NHS: variants seen among roughly 807,000 people sequenced by gnomAD.
The protein encoded by NHS is NHS actin remodeling regulator.
In NHS, 5 loss-of-function variants were observed where a neutral mutation model predicts 72.5. The ratio of observed to expected loss-of-function variants is 0.07; its 90% CI spans 0.04 to 0.14. NHS has a LOEUF of 0.14. Among genes scored for constraint, NHS ranks in the 10% least tolerant of loss-of-function variants. The pLI, the probability that NHS is intolerant of heterozygous loss-of-function variation, is 1.00. For missense variants in NHS, 1,072 were observed against 1,355.7 expected (o/e 0.79, Z 3.29); for synonymous variants, 464 against 547.7 (o/e 0.85, Z 2.13).
intron 1 of NHS, among the ~76,000 whole-genome samples, chrX:17,460,084 G>A (rs2031137526): frequency 9.0e-6 from 1 of 111,282 alleles, no homozygotes; most frequent in Admixed American, 9.6e-5. Context: ...CAAGAGGTTA[G>A]AAAGATGAAG....
chrX:17,456,631 G>A (rs1054059391), intron 1 of NHS, among the ~76,000 whole-genome samples: 3 of 112,146 alleles, frequency 2.7e-5, no homozygotes, highest in Non-Finnish European at 5.6e-5. Context: ...GCCCTGGGTC[G>A]CTGGGAGAGA....
chrX:17,664,489 C>G (rs1445585359), intron 1 of NHS, among the ~76,000 whole-genome samples: 1 of 112,043 alleles, frequency 8.9e-6, no homozygotes, highest in African/African-American at 3.2e-5. Context: ...GACTTAACGC[C>G]TTTTTCAAAC....
intron 1 of NHS, among the ~76,000 whole-genome samples, chrX:17,395,580 G>C (rs1437267676): frequency 8.9e-6 from 1 of 112,099 alleles, no homozygotes; most frequent in Admixed American, 9.5e-5. Context: ...TAAATGAACT[G>C]TGGGGGACCC....
At chrX:17,425,773 A>G (rs2064654016) in intron 1 of NHS, 1 of 111,283 alleles carries the variant, frequency 9.0e-6, no homozygotes, top group South Asian at 3.8e-4. Context: ...GGTTGCCAAA[A>G]GCATTAAGAT....
intron 1 of NHS, among the ~76,000 whole-genome samples, chrX:17,657,840 G>A (rs182487918): frequency 7.3e-4 from 83 of 112,973 alleles, no homozygotes; most frequent in African/African-American, 2.5e-3. Flanking sequence ...AGTGGAGTTC[G>A]TTCCAGAATA....
At chrX:17,400,853 C>A (rs924710032) in intron 1 of NHS, among the ~76,000 whole-genome samples, 1 of 111,601 alleles carries the variant, frequency 9.0e-6, no homozygotes, top group Non-Finnish European at 1.9e-5. Flanking sequence ...ATCAAAATCC[C>A]AGCTGACTTT....
chrX:17,463,761 C>T (rs754667032), intron 1 of NHS, among the ~76,000 whole-genome samples: 3 of 111,762 alleles, frequency 2.7e-5, no homozygotes, highest in Admixed American at 9.5e-5. Flanking sequence ...AGGATGAAGA[C>T]CTAAAGATCC....
chrX:17,712,041 A>G (rs1220586066), intron 3 of NHS, among the ~76,000 whole-genome samples: 1 of 107,091 alleles, frequency 9.3e-6, no homozygotes, highest in Non-Finnish European at 1.9e-5. Flanking sequence ...TTAAGATTAG[A>G]TACTGCCAAA....
chrX:17,529,595 C>T (rs1219233446), intron 1 of NHS, among the ~76,000 whole-genome samples: 3 of 111,679 alleles, frequency 2.7e-5, no homozygotes, highest in Non-Finnish European at 5.6e-5. Flanking sequence ...TCTCCTTCCA[C>T]ATTCCCAGTG....
rs559019770 is a variant in NHS at position 17,436,776 on chromosome X, A to T, written c.565+60454A>T. Reference sequence around the variant, plus strand: ...GTTTCCATCACCACACAGGAAAAAAAATCTGCTGGAATCCAAGAAGTCCAG... The same window carrying T: ...GTTTCCATCACCACACAGGAAAAAATATCTGCTGGAATCCAAGAAGTCCAG... On this transcript the variant is annotated intron_variant, in intron 1 of 8. Coordinates refer to ENST00000676302, the MANE Select transcript of NHS (RefSeq NM_001291867.2). Among the ~76,000 whole-genome samples the T allele has an allele frequency of 3.6e-5, 4 of 110,546 alleles. No homozygotes were observed. In the South Asian group the frequency reaches 1.6e-3, roughly 43 times the overall value.
At chrX:17,433,166 A>C (rs955483457) in intron 1 of NHS, among the ~76,000 whole-genome samples, 12 of 101,452 alleles carry the variant, frequency 1.2e-4, no homozygotes, top group Admixed American at 3.2e-4. Context: ...AGTAGCTGGG[A>C]CTACAGGCGC....
chrX:17,650,658 T>C (rs1006760044), intron 1 of NHS, among the ~76,000 whole-genome samples: 18 of 111,998 alleles, frequency 1.6e-4, no homozygotes, highest in African/African-American at 5.5e-4. Context: ...TCTTGGTAAA[T>C]TGTCTGAGGC....
intron 1 of NHS, among the ~76,000 whole-genome samples, chrX:17,563,755 C>T (rs1440356724): frequency 9.8e-6 from 1 of 102,041 alleles, no homozygotes; most frequent in African/African-American, 3.6e-5. Context: ...AAAGGAAGGG[C>T]TGTGTGTGGT....
intron 1 of NHS, among the ~76,000 whole-genome samples, chrX:17,567,176 A>G (rs1340931499): frequency 8.9e-6 from 1 of 112,224 alleles, no homozygotes; most frequent in Admixed American, 9.4e-5. Flanking sequence ...ATACATCCCA[A>G]TTGGGCCCAT....
chrX:17,592,409 T>C (rs767861505), intron 1 of NHS, among the ~76,000 whole-genome samples: 2 of 111,917 alleles, frequency 1.8e-5, no homozygotes, highest in African/African-American at 6.5e-5. Flanking sequence ...TCTAGAATGT[T>C]CCATTGAGAG....
intron 1 of NHS, among the ~76,000 whole-genome samples, chrX:17,535,905 A>G (rs928019002): frequency 9.0e-6 from 1 of 110,964 alleles, no homozygotes; most frequent in Non-Finnish European, 1.9e-5. Flanking sequence ...TAGATTCTGT[A>G]TTGTCAGAAA....
chrX:17,394,078 G>A (rs780879257), intron 1 of NHS, among the ~76,000 whole-genome samples: 5 of 111,246 alleles, frequency 4.5e-5, no homozygotes, highest in African/African-American at 6.5e-5. Context: ...GGAGAATTGA[G>A]GGGTGAATGT....
At chrX:17,709,794 G>C (rs2066319010) in intron 3 of NHS, among the ~76,000 whole-genome samples, 1 of 110,963 alleles carries the variant, frequency 9.0e-6, no homozygotes, top group African/African-American at 3.3e-5. Flanking sequence ...TGAGGAACTG[G>C]GACCCAGACC....
chrX:17,520,516 G>T (rs1272002538), intron 1 of NHS, among the ~76,000 whole-genome samples: 1 of 111,954 alleles, frequency 8.9e-6, no homozygotes, highest in Non-Finnish European at 1.9e-5. Context: ...TGCTTCTCCA[G>T]TTGTGGACAT....
Sources: gnomAD v4.1 joint callset for allele counts (sites outside exome capture counted in the v4.1 genomes callset) on GRCh38, gnomAD v4.1.1 for gene constraint, MANE v1.5 for transcripts, NCBI Gene and HGNC (gene_info 2026-07-23, HGNC 2026-07-21) for gene names.